Variants in P4HA1 observed in about 807,000 individuals in gnomAD.
The protein encoded by P4HA1 is prolyl 4-hydroxylase subunit alpha 1.
Under a neutral mutation model 72.8 loss-of-function variants are expected in P4HA1, and 24 were observed. That is an observed-to-expected ratio of 0.33 (90% CI 0.24 to 0.46). The LOEUF (loss-of-function observed/expected upper bound fraction) is 0.46, where lower values mean the gene tolerates loss of function less well. Among genes scored for constraint, P4HA1 ranks in the 20% least tolerant of loss-of-function variants. The pLI, the probability that P4HA1 is intolerant of heterozygous loss-of-function variation, is 1.00. For synonymous variants in P4HA1, 201 were observed against 218.8 expected, an observed-to-expected ratio of 0.92 and a Z score of 0.72; for missense variants, 446 against 640.6, an observed-to-expected ratio of 0.70 and a Z score of 3.28.
chr10:73,036,123 G>A (rs1294020168), intron 9 of P4HA1, among the ~76,000 whole-genome samples: 1 of 150,192 alleles, frequency 6.7e-6, no homozygotes, highest in Non-Finnish European at 1.5e-5. Flanking sequence ...GGAGGCAGAG[G>A]TTGCAGTGAG....
At chr10:73,061,204 A>G (rs1205101266) in intron 5 of P4HA1, among the ~76,000 whole-genome samples, 1 of 152,180 alleles carries the variant, frequency 6.6e-6, no homozygotes, top group Non-Finnish European at 1.5e-5. Flanking sequence ...GGGACAGGAC[A>G]TTAGGTGTTG....
intron 5 of P4HA1, among the ~76,000 whole-genome samples, chr10:73,066,408 C>T (rs1234212237): frequency 6.6e-6 from 1 of 152,160 alleles, no homozygotes; most frequent in African/African-American, 2.4e-5. Context: ...TATTCAGGAC[C>T]ATTTTGATGG....
intron 10 of P4HA1, among the ~76,000 whole-genome samples, chr10:73,028,577 A>G (rs2133059308): frequency 6.6e-6 from 1 of 152,080 alleles, no homozygotes. Flanking sequence ...AATTACAGTC[A>G]TGTGCCACCA....
chr10:73,031,785 T>C (rs969183205), intron 9 of P4HA1, among the ~76,000 whole-genome samples: 1 of 152,204 alleles, frequency 6.6e-6, no homozygotes, highest in Non-Finnish European at 1.5e-5. Context: ...AATTTTATGA[T>C]ACGGGAACTA....
At chr10:73,092,811 C>T (rs1842064456) in intron 1 of P4HA1, among the ~76,000 whole-genome samples, 2 of 151,932 alleles carry the variant, frequency 1.3e-5, no homozygotes, top group African/African-American at 2.4e-5. Flanking sequence ...GGAGAAACAG[C>T]TCAAGTGTCC....
At chr10:73,041,362 G>A (rs1192734674) in intron 9 of P4HA1, among the ~76,000 whole-genome samples, 2 of 152,016 alleles carry the variant, frequency 1.3e-5, no homozygotes, top group African/African-American at 4.8e-5. Flanking sequence ...GGCTAACACG[G>A]TGAAACCCAT....
chr10:73,085,149 A>T (rs1841900170), intron 1 of P4HA1, among the ~76,000 whole-genome samples: 1 of 152,000 alleles, frequency 6.6e-6, no homozygotes, highest in Non-Finnish European at 1.5e-5. Flanking sequence ...ATTTAAAAAA[A>T]AAAATTATTT....
At chr10:73,032,999 T>C (rs1171164631) in intron 9 of P4HA1, among the ~76,000 whole-genome samples, 1 of 152,150 alleles carries the variant, frequency 6.6e-6, no homozygotes. Flanking sequence ...GTAGCAAAAA[T>C]GGGAAGAATC....
At chr10:73,016,790 G>C in intron 11 of P4HA1, 56 bp downstream of exon 11, 4 of 1,307,844 alleles carry the variant, frequency 3.1e-6, no homozygotes, top group Non-Finnish European at 4.4e-6. Flanking sequence ...TTTGTTTTGA[G>C]ACAAACAATG....
chr10:73,045,128 C>T (rs1840824031), intron 8 of P4HA1, 77 bp from the exon 9 acceptor site: 2 of 1,230,158 alleles, frequency 1.6e-6, no homozygotes, highest in East Asian at 4.7e-5. Context: ...GTCAGAATTC[C>T]AGGGTTTTTA....
At chr10:73,084,105 T>A (rs1841877582) in intron 1 of P4HA1, among the ~76,000 whole-genome samples, 1 of 152,246 alleles carries the variant, frequency 6.6e-6, no homozygotes, top group South Asian at 2.1e-4. Context: ...CAAACAAATT[T>A]CACCTATTTT....
intron 3 of P4HA1, 34 bp from the exon 4 acceptor site, chr10:73,072,214 T>A (rs200964175): frequency 1.5e-4 from 228 of 1,547,708 alleles, no homozygotes; most frequent in Admixed American, 3.9e-4. Flanking sequence ...TGAATATTTA[T>A]ATTTCATAGG....
At chr10:73,068,799 G>A in intron 5 of P4HA1, 47 bp downstream of exon 5, 2 of 1,504,594 alleles carry the variant, frequency 1.3e-6, no homozygotes, top group Admixed American at 1.7e-5. Flanking sequence ...GGACTCAACA[G>A]AGAAGCTAGG....
chr10:73,082,192 C>G (rs1444180535), intron 1 of P4HA1, among the ~76,000 whole-genome samples: 1 of 152,168 alleles, frequency 6.6e-6, no homozygotes, highest in Non-Finnish European at 1.5e-5. Flanking sequence ...TTAAGGTGTG[C>G]TAGGCTAAGC....
chr10:73,009,456 T>G (rs566160397), intron 14 of P4HA1, among the ~76,000 whole-genome samples: 72 of 152,320 alleles, frequency 4.7e-4, no homozygotes, highest in African/African-American at 1.7e-3. Context: ...CTCCCCAAAC[T>G]TAGGCAGTCA....
intron 5 of P4HA1, among the ~76,000 whole-genome samples, chr10:73,066,737 T>C (rs1271031462): frequency 6.6e-6 from 1 of 152,030 alleles, no homozygotes; most frequent in Non-Finnish European, 1.5e-5. Flanking sequence ...ATGGGGGCAG[T>C]TCCCCCATGC....
intron 1 of P4HA1, among the ~76,000 whole-genome samples, chr10:73,093,907 T>TATATATATATACACAC (rs1256283876): frequency 5.4e-5 from 3 of 55,616 alleles, no homozygotes; most frequent in African/African-American, 1.9e-4. Flanking sequence ...TATATATATA[T>TATATATATATACACAC]ACACACACAC....
At chr10:73,040,599 C>G (rs1474759304) in intron 9 of P4HA1, among the ~76,000 whole-genome samples, 1 of 151,754 alleles carries the variant, frequency 6.6e-6, no homozygotes, top group Admixed American at 6.6e-5. Context: ...CCTCAGCCTC[C>G]CGAGTAGCTG....
chr10:73,090,423 T>TG (rs1440894548), intron 1 of P4HA1, among the ~76,000 whole-genome samples: 1 of 152,200 alleles, frequency 6.6e-6, no homozygotes, highest in African/African-American at 2.4e-5. Context: ...CCTAAGCCAC[T>TG]GTGCCTGACC....
Sources: allele counts gnomAD v4.1 joint callset (sites outside exome capture counted in the v4.1 genomes callset), GRCh38; gene constraint gnomAD v4.1.1; transcripts MANE v1.5; gene names NCBI Gene and HGNC (gene_info 2026-07-23, HGNC 2026-07-21).